The following EN2 variants were observed in gnomAD, a reference collection of about 807,000 sequenced individuals.
EN2 encodes engrailed homeobox 2.
EN2 carries 7 observed loss-of-function variants against 25.0 expected under a neutral mutation model. The observed-to-expected ratio is 0.28, with a 90% confidence interval of 0.16 to 0.53. The LOEUF (loss-of-function observed/expected upper bound fraction) is 0.53. Ranked by LOEUF, EN2 falls within the 20% of genes least tolerant of loss-of-function variation. EN2 has a pLI of 0.96. For missense variants in EN2, 524 were observed against 501.8 expected (o/e 1.04, Z -0.42); for synonymous variants, 277 against 243.3 (o/e 1.14, Z -1.29).
chr7:155,460,398 G>A (rs191793852), intron 1 of EN2, among the ~76,000 whole-genome samples: 3 of 152,248 alleles, frequency 2.0e-5, no homozygotes, highest in Admixed American at 6.5e-5. Context: ...GCAAGATAAT[G>A]TTTCTGTTCT....
chr7:155,462,268 G>A (rs2116603396), intron 1 of EN2, 103 bp from the exon 2 acceptor site: 1 of 1,344,522 alleles, frequency 7.4e-7, no homozygotes, highest in South Asian at 1.4e-5. Flanking sequence ...GTGGCCTTGG[G>A]CGAGTCACTT....
chr7:155,464,512 AGG>A lies in EN2; in HGVS notation c.*1826_*1827del, dbSNP rs1795737254. 11 of 152,810 alleles carry A rather than the reference AGG, an allele frequency of 7.2e-5. No homozygotes were observed. In the South Asian group the frequency reaches 2.1e-3, roughly 29 times the overall value. 9.5% of individuals were successfully genotyped at this position (152,810 alleles called of 1,614,324 possible). A position where few individuals can be genotyped will look rare whatever the true frequency, so the allele number is the denominator to read the frequency against. Reference sequence around the variant, plus strand: ...CATAATAGTGTAAACCTTTTTAAAAAGGAAAGTATAAAAACAAAAGTTGTAAT... The same window carrying A: ...CATAATAGTGTAAACCTTTTTAAAAAAAAGTATAAAAACAAAAGTTGTAAT... On this transcript the variant is annotated 3_prime_UTR_variant, in exon 2 of 2. Coordinates refer to ENST00000297375, the MANE Select transcript of EN2 (RefSeq NM_001427.4).
rs988043933 is a variant in EN2, at chr7:155,458,447, AGCCCCGGCGGCG to A, written c.73_84del (p.Pro25_Gly28del). On this transcript the variant is annotated inframe_deletion, in exon 1 of 2. Coordinates refer to ENST00000297375, the MANE Select transcript of EN2 (RefSeq NM_001427.4). ...GGAGGGACAGCGGCAGCCGGAATCC[AGCCCCGGCGGCG>A]GCTCGGGCGGCGGCGGCGGTAGCAG... The A allele has an allele frequency of 7.7e-7, 1 of 1,303,620 alleles. No homozygotes were observed. 80.8% of individuals were successfully genotyped at this position (1,303,620 alleles called of 1,614,324 possible). A position where few individuals can be genotyped will look rare whatever the true frequency, so the allele number is the denominator to read the frequency against.
chr7:155,458,649 G>A lies in EN2; in HGVS notation c.272G>A (p.Gly91Asp), dbSNP rs746416611. 5.0e-6 allele frequency: 7 copies of A among 1,407,302 alleles called. No individual in the cohort carries two copies. Among genetic ancestry groups the A allele is most frequent in the East Asian group, 6.1e-5 (2 of 32,526 alleles). 87.2% of individuals were successfully genotyped at this position (1,407,302 alleles called of 1,614,324 possible). The part of the protein sequence containing the change: ...RRKDAGTCCA[G>D]AGGGRGGGAG... ...AAGGACGCGGGGACCTGCTGTGCGG[G>A]CGCGGGAGGAGGAAGGGGCGGCGGA... The change falls in exon 1 of 2, where the codon GGC (glycine) becomes GAC (aspartate). Residue 91 changes from glycine to aspartate, a missense_variant. Gly to Asp is a moderately conservative substitution (Grantham distance 94). Transcript: ENST00000297375.
At chr7:155,461,490 A>G (rs1182007795) in intron 1 of EN2, among the ~76,000 whole-genome samples, 5 of 152,232 alleles carry the variant, frequency 3.3e-5, no homozygotes, top group African/African-American at 1.2e-4. Context: ...AGGCCAGGTC[A>G]GGTTCATAAG....
Position 155,458,452 on chromosome 7 carries a change from CGGCGGCGGCTCG to C in EN2, c.85_96del (p.Ser29_Gly32del), listed in dbSNP as rs1217111530. 6.9e-6 allele frequency: 9 copies of C among 1,304,618 alleles called. No homozygotes were observed. The highest frequency in any genetic ancestry group is 8.8e-6 in the Non-Finnish European group (9 of 1,026,486). 80.8% of individuals were successfully genotyped at this position (1,304,618 alleles called of 1,614,324 possible). Reference sequence around the variant, plus strand: ...GACAGCGGCAGCCGGAATCCAGCCCCGGCGGCGGCTCGGGCGGCGGCGGCGGTAGCAGCCCGG... The same window carrying C: ...GACAGCGGCAGCCGGAATCCAGCCCCGGCGGCGGCGGCGGTAGCAGCCCGG... On this transcript the variant is annotated inframe_deletion, in exon 1 of 2. Transcript: ENST00000297375.
In EN2 at chr7:155,462,307, G is replaced by C. The variant is rs370563664; in HGVS notation, c.686-64G>C. 7.9e-6 allele frequency: 12 copies of C among 1,519,232 alleles called. No homozygotes were observed. In the African/African-American group the frequency reaches 9.7e-5, roughly 12 times the overall value. The allele number at this position is 1,519,232 out of a possible 1,614,324, so 94.1% of individuals were successfully genotyped here. ...TCTTGGGGCCCCAGAATCCTTACCC[G>C]GTGCCTATTGGGTGGCACACCTCTG... On this transcript the variant is annotated intron_variant, in intron 1 of 1. Coordinates refer to ENST00000297375, the MANE Select transcript of EN2 (RefSeq NM_001427.4).
Position 155,458,794 on chromosome 7 carries a change from G to A in EN2, c.417G>A (p.Ala139=). 1.4e-6 allele frequency: 2 copies of A among 1,392,588 alleles called. No individual in the cohort carries two copies. Among genetic ancestry groups the A allele is most frequent in the Non-Finnish European group, 1.8e-6 (2 of 1,085,270 alleles). 86.3% of individuals were successfully genotyped at this position (1,392,588 alleles called of 1,614,324 possible). A position where few individuals can be genotyped will look rare whatever the true frequency, so the allele number is the denominator to read the frequency against. ...PRQNPPCAPG[A]GGPLPAAGSD... Reference sequence around the variant, plus strand: ...AGAACCCGCCATGTGCGCCCGGCGCGGGCGGGCCGCTCCCAGCCGCCGGCA... The same window carrying A: ...AGAACCCGCCATGTGCGCCCGGCGCAGGCGGGCCGCTCCCAGCCGCCGGCA... Residue 139 remains alanine, a synonymous_variant, in exon 1 of 2, where the codon GCG becomes GCA. Coordinates refer to ENST00000297375, the MANE Select transcript of EN2 (RefSeq NM_001427.4).
intron 1 of EN2, among the ~76,000 whole-genome samples, chr7:155,461,752 C>T (rs1045875714): frequency 2.6e-5 from 4 of 152,208 alleles, no homozygotes; most frequent in African/African-American, 9.7e-5. Flanking sequence ...TGCACTGACT[C>T]TTCCTTAAAG....
In EN2 at chr7:155,458,886, G is replaced by C. The variant is rs1194492076; in HGVS notation, c.509G>C (p.Gly170Ala). The change falls in exon 1 of 2, where the codon GGC (glycine) becomes GCC (alanine). Residue 170 changes from glycine (G) to alanine (A), a missense_variant. Transcript: ENST00000297375. ...TLSLHGGAKK[G>A]GDPGGPLDGS... ...TCGCTGCACGGTGGCGCCAAGAAAG[G>C]CGGCGACCCCGGCGGCCCCCTGGAC... The C allele has an allele frequency of 6.7e-7, 1 of 1,496,094 alleles. No homozygotes were observed. The highest frequency in any genetic ancestry group is 8.8e-7 in the Non-Finnish European group (1 of 1,130,758). The allele number at this position is 1,496,094 out of a possible 1,614,324, so 92.7% of individuals were successfully genotyped here. A position where few individuals can be genotyped will look rare whatever the true frequency, so the allele number is the denominator to read the frequency against.
At position 155,458,418 on chromosome 7, in the gene EN2, C is replaced by T. The variant is rs751012167; in HGVS notation, c.41C>T (p.Ala14Val). The T allele has an allele frequency of 3.8e-6, 5 of 1,304,814 alleles. No homozygotes were observed. The South Asian group carries it at 8.8e-5, about 23-fold the overall frequency. The allele number at this position is 1,304,814 out of a possible 1,614,324, so 80.8% of individuals were successfully genotyped here. The change falls in exon 1 of 2, where the codon GCG becomes GTG. Residue 14 changes from alanine to valine, a missense_variant. By Grantham distance (64) the Ala-to-Val change is moderately conservative. Transcript: ENST00000297375. ...CCCAAGCCTGGCGAAGCAGCGGCGG[C>T]GGTGGAGGGACAGCGGCAGCCGGAA... ...NDPKPGEAAAAVEGQRQPESS... is the reference protein window; with the variant it reads ...NDPKPGEAAAVVEGQRQPESS...
intron 1 of EN2, among the ~76,000 whole-genome samples, chr7:155,459,615 G>C (rs1795672270): frequency 6.6e-6 from 1 of 152,220 alleles, no homozygotes; most frequent in Non-Finnish European, 1.5e-5. Context: ...TCTGCCCCTC[G>C]GGCCTGCGCT....
chr7:155,458,446 C>A lies in EN2; in HGVS notation c.69C>A (p.Ser23=). ...AAVEGQRQPE[S]SPGGGSGGGG... ...TGGAGGGACAGCGGCAGCCGGAATCCAGCCCCGGCGGCGGCTCGGGCGGCG... is the reference window on the plus strand; with the variant it reads ...TGGAGGGACAGCGGCAGCCGGAATCAAGCCCCGGCGGCGGCTCGGGCGGCG... The change falls in exon 1 of 2, where the codon TCC becomes TCA. Residue 23 remains serine, a synonymous_variant. Transcript: ENST00000297375. 5.4e-6 allele frequency: 7 copies of A among 1,304,704 alleles called. No individual in the cohort carries two copies. Among genetic ancestry groups the A allele is most frequent in the Non-Finnish European group, 6.8e-6 (7 of 1,026,516 alleles). The allele number at this position is 1,304,704 out of a possible 1,614,324, so 80.8% of individuals were successfully genotyped here.
In EN2 at chr7:155,462,645, C is replaced by A. The variant is rs142774508; in HGVS notation, c.960C>A (p.Asn320Lys). 3.7e-6 allele frequency: 6 copies of A among 1,606,402 alleles called. No individual in the cohort carries two copies. Among genetic ancestry groups the A allele is most frequent in the Non-Finnish European group, 5.1e-6 (6 of 1,176,152 alleles). The change falls in exon 2 of 2, where the codon AAC (asparagine) becomes AAA (lysine). Residue 320 changes from asparagine (N) to lysine (K), a missense_variant. Asn to Lys is a moderately conservative substitution (Grantham distance 94). Transcript: ENST00000297375. ...AVHLMAQGLY[N>K]HSTTAKEGKS... ...ACCTCATGGCACAGGGCTTGTACAACCACTCCACCACAGCCAAGGAGGGCA... is the reference window on the plus strand; with the variant it reads ...ACCTCATGGCACAGGGCTTGTACAAACACTCCACCACAGCCAAGGAGGGCA...
rs1341809736 is a variant in EN2, at chr7:155,464,110, A to C, written c.*1423A>C. The C allele has an allele frequency of 1.3e-5, 2 of 152,178 alleles. No homozygotes were observed. The highest frequency in any genetic ancestry group is 1.5e-5 in the Non-Finnish European group (1 of 68,036). 9.4% of individuals were successfully genotyped at this position (152,178 alleles called of 1,614,324 possible). On this transcript the variant is annotated 3_prime_UTR_variant, in exon 2 of 2. Coordinates refer to ENST00000297375, the MANE Select transcript of EN2 (RefSeq NM_001427.4). ...CCTCCAGGATCTAGAAGAAGGAAGA[A>C]AGTGTGTAAATAATCATTTCTTATC...
rs371448181 is a variant in EN2, at chr7:155,462,040, C to G, written c.686-331C>G. 1.4e-3 allele frequency among the ~76,000 whole-genome samples: 210 copies of G among 152,374 alleles called. 1 individual carries two copies. In the South Asian group the frequency reaches 0.015, roughly 11 times the overall value. ...CCTGAACAGAGAGCCTCAGAAAGGA[C>G]TAGGAAAAACCAGGCCAGAAAGTGT... On this transcript the variant is annotated intron_variant, in intron 1 of 1. Transcript: ENST00000297375.
chr7:155,462,204 T>C (rs1795704278), intron 1 of EN2, among the ~76,000 whole-genome samples, 167 bp from the exon 2 acceptor site: 1 of 152,192 alleles, frequency 6.6e-6, no homozygotes, highest in Non-Finnish European at 1.5e-5. Context: ...GAGGTCCGCG[T>C]TGAGCCCATG....
Position 155,458,742 on chromosome 7 carries a change from T to TGGGCTC in EN2, c.372_377dup (p.Gly125_Ser126dup). 3 of 1,358,542 alleles carry TGGGCTC rather than the reference T, an allele frequency of 2.2e-6. No homozygotes were observed. The highest frequency in any genetic ancestry group is 2.7e-4 in the Middle Eastern group (1 of 3,742). 84.2% of individuals were successfully genotyped at this position (1,358,542 alleles called of 1,614,324 possible). ...GGCGCGGGCGGCTCGGAGCAGCTCT[T>TGGGCTC]GGGCTCGGGCTCCCGAGAGCCCCGG... On this transcript the variant is annotated inframe_insertion, in exon 1 of 2. Transcript: ENST00000297375.
intron 1 of EN2, among the ~76,000 whole-genome samples, chr7:155,460,115 A>G (rs746291323): frequency 6.6e-6 from 1 of 152,252 alleles, no homozygotes; most frequent in Non-Finnish European, 1.5e-5. Context: ...ATCCCGCAGA[A>G]CTATGCGTGC....
Sources: gnomAD v4.1 joint callset for allele counts (sites outside exome capture counted in the v4.1 genomes callset) on GRCh38, gnomAD v4.1.1 for gene constraint, MANE v1.5 for transcripts, NCBI Gene and HGNC (gene_info 2026-07-23, HGNC 2026-07-21) for gene names.